The following L3MBTL1 variants were observed in gnomAD, a reference collection of about 807,000 sequenced individuals.
L3MBTL1 encodes the protein lethal(3)malignant brain tumor-like protein 1.
L3MBTL1 carries 75 observed loss-of-function variants against 105.3 expected under a neutral mutation model. The observed-to-expected ratio is 0.71, with a 90% CI of 0.59 to 0.86. The LOEUF (loss-of-function observed/expected upper bound fraction) is 0.86. L3MBTL1 is among the 40% of genes least tolerant of loss of function. The pLI is 0.00. For synonymous variants in L3MBTL1, 452 were observed against 436.2 expected, an observed-to-expected ratio of 1.04 and a Z score of -0.45; for missense variants, 1,069 against 1,126.4, an observed-to-expected ratio of 0.95 and a Z score of 0.73.
chr20:43,532,767 C>T lies in L3MBTL1; in HGVS notation c.1285-6C>T. 6.2e-7 allele frequency: 1 copy of T among 1,613,836 alleles called. No individual in the cohort carries two copies. Among genetic ancestry groups the T allele is most frequent in the Non-Finnish European group, 8.5e-7 (1 of 1,179,902 alleles). On this transcript the variant is annotated splice_region_variant and splice_polypyrimidine_tract_variant and intron_variant, in intron 11 of 21. Coordinates refer to ENST00000418998, the MANE Select transcript of L3MBTL1 (RefSeq NM_001377303.1). Reference sequence around the variant, plus strand: ...CTGGCCGTGGCAGCTCCTTTTTTTCCCCTAGAGTCCCCCACCCCTGGGCTT... The same window carrying T: ...CTGGCCGTGGCAGCTCCTTTTTTTCTCCTAGAGTCCCCCACCCCTGGGCTT...
rs367711004 is a variant in L3MBTL1 at position 43,536,446 on chromosome 20, G to C, written c.2161G>C (p.Glu721Gln). Residue 721 changes from glutamate (E) to glutamine (Q), a missense_variant, in exon 19 of 22, where the codon GAA becomes CAA. Physicochemically the swap from Glu to Gln is conservative, Grantham distance 29. Coordinates refer to ENST00000418998, the MANE Select transcript of L3MBTL1 (RefSeq NM_001377303.1). ...TCCGAAGTATCGAAAGATTCCGCAG[G>C]AAGATTTCCAGAGTAAGTCTGGGTT... ...RPPKYRKIPQEDFQTLTPDVV... is the reference protein window; with the variant it reads ...RPPKYRKIPQQDFQTLTPDVV... The C allele has an allele frequency of 6.2e-7, 1 of 1,613,900 alleles. No homozygotes were observed. Among genetic ancestry groups the C allele is most frequent in the Non-Finnish European group, 8.5e-7 (1 of 1,180,056 alleles).
intron 1 of L3MBTL1, among the ~76,000 whole-genome samples, chr20:43,511,179 A>G (rs932309945): frequency 6.6e-6 from 1 of 152,150 alleles, no homozygotes; most frequent in African/African-American, 2.4e-5. Context: ...CAGCCTCCCC[A>G]GTAGCTGGGA....
chr20:43,546,388 T>C (rs1394234759), downstream of L3MBTL1, among the ~76,000 whole-genome samples: 1 of 152,164 alleles, frequency 6.6e-6, no homozygotes, highest in Non-Finnish European at 1.5e-5. Context: ...TCAGCACTTA[T>C]AAGCTAGGTA....
chr20:43,541,585 C>G lies in L3MBTL1; in HGVS notation c.*457C>G, dbSNP rs41303815. The G allele has an allele frequency of 6.2e-6, 1 of 161,086 alleles. No individual in the cohort carries two copies. The highest frequency in any genetic ancestry group is 1.4e-5 in the Non-Finnish European group (1 of 74,000). The allele number at this position is 161,086 out of a possible 1,614,324, so 10.0% of individuals were successfully genotyped here. On this transcript the variant is annotated 3_prime_UTR_variant, in exon 22 of 22. Coordinates refer to ENST00000418998, the MANE Select transcript of L3MBTL1 (RefSeq NM_001377303.1). ...TAGATGTTATATGTATTTTTATTTA[C>G]ATGTATATTTTCACATGAAATACCA...
At position 43,536,241 on chromosome 20, in the gene L3MBTL1, CAAG is replaced by C. The variant is rs1468367368; in HGVS notation, c.2076_2078del (p.Lys692del). The stretch of plus-strand genomic sequence containing the variant: ...TGTCTGACTCGGAGGCCTCAGCCCG[CAAG>C]AAGAACCTCTCAGGCTTCTCCCCAA... On this transcript the variant is annotated inframe_deletion, in exon 18 of 22. Transcript: ENST00000418998. 1.2e-6 allele frequency: 2 copies of C among 1,612,440 alleles called. No homozygotes were observed. Among genetic ancestry groups the C allele is most frequent in the Non-Finnish European group, 1.7e-6 (2 of 1,179,608 alleles).
Position 43,533,440 on chromosome 20 carries a change from G to A in L3MBTL1, c.1513+22G>A, listed in dbSNP as rs202238516. ...CAAGGTGACCCTGCAGCCTGAGCAA[G>A]CCCCCTTTCCTAAGCCTGGCTCTGC... is the stretch of plus-strand genomic sequence containing the variant. On this transcript the variant is annotated intron_variant, in intron 13 of 21. Coordinates refer to ENST00000418998, the MANE Select transcript of L3MBTL1 (RefSeq NM_001377303.1). 1.0e-5 allele frequency: 16 copies of A among 1,603,480 alleles called. No homozygotes were observed. The African/African-American group carries it at 2.0e-4, about 20-fold the overall frequency.
intron 7 of L3MBTL1, among the ~76,000 whole-genome samples, chr20:43,524,800 G>T (rs2018935624): frequency 6.6e-6 from 1 of 152,180 alleles, no homozygotes; most frequent in Non-Finnish European, 1.5e-5. Flanking sequence ...AGGCACAGAG[G>T]CTCAGGGGCA....
intron 19 of L3MBTL1, 145 bp downstream of exon 19, chr20:43,536,603 C>T (rs2019645970): frequency 2.1e-6 from 2 of 930,650 alleles, no homozygotes; most frequent in African/African-American, 3.2e-5. Flanking sequence ...ACTGAGAGCA[C>T]AGAGCAGTGG....
intron 7 of L3MBTL1, among the ~76,000 whole-genome samples, chr20:43,517,551 T>G (rs569398397): frequency 6.6e-6 from 1 of 152,360 alleles, no homozygotes; most frequent in African/African-American, 2.4e-5. Flanking sequence ...TATAGGCATG[T>G]GCCATTGCAC....
chr20:43,514,289 C>A, intron 3 of L3MBTL1: 3 of 816,246 alleles, frequency 3.7e-6, no homozygotes, highest in Non-Finnish European at 5.6e-6. Context: ...TGGGACTGGG[C>A]CTGTGGGTGT....
intron 9 of L3MBTL1, 26 bp from the exon 10 acceptor site, chr20:43,530,258 G>A: frequency 1.2e-6 from 2 of 1,613,422 alleles, no homozygotes; most frequent in South Asian, 1.1e-5. Flanking sequence ...TGACATTGGA[G>A]TTCCTGATTC....
intron 16 of L3MBTL1, 33 bp from the exon 17 acceptor site, chr20:43,535,804 T>TC (rs1464472104): frequency 1.4e-6 from 2 of 1,432,702 alleles, no homozygotes; most frequent in African/African-American, 2.9e-5. Context: ...CCCCCAGGAC[T>TC]CCATGAGGAC....
At position 43,515,158 on chromosome 20, in the gene L3MBTL1, C is replaced by A; in HGVS notation, c.652C>A (p.Arg218=). The stretch of plus-strand genomic sequence containing the variant: ...TGGCTGCCCTCAGCTGTTCCAGGAG[C>A]GGTAAGGGGAGGAGGTCGCAGCCCT... ...NDGCPQLFQE[R]SVIVENSSGS... is the part of the protein sequence containing the mutation. The change falls in exon 5 of 22, where the codon CGG becomes AGG. Residue 218 remains arginine (R), a splice_region_variant and synonymous_variant. Coordinates refer to ENST00000418998, the MANE Select transcript of L3MBTL1 (RefSeq NM_001377303.1). 1 of 1,614,124 alleles carries A rather than the reference C, an allele frequency of 6.2e-7. No individual in the cohort carries two copies. Among genetic ancestry groups the A allele is most frequent in the Non-Finnish European group, 8.5e-7 (1 of 1,179,998 alleles).
chr20:43,524,148 A>T lies in L3MBTL1; in HGVS notation c.863-4509A>T, dbSNP rs554350858. Among the ~76,000 whole-genome samples, 23 of 152,188 alleles carry T rather than the reference A, an allele frequency of 1.5e-4. No individual in the cohort carries two copies. In the South Asian group the frequency reaches 3.7e-3, roughly 25 times the overall value. Reference sequence around the variant, plus strand: ...AACTTACTAATTTTATTTGTCTTTTAAAAAAAATTTATTTCCATTTTCTTT... The same window carrying T: ...AACTTACTAATTTTATTTGTCTTTTTAAAAAAATTTATTTCCATTTTCTTT... On this transcript the variant is annotated intron_variant, in intron 7 of 21. Coordinates refer to ENST00000418998, the MANE Select transcript of L3MBTL1 (RefSeq NM_001377303.1).
intron 7 of L3MBTL1, among the ~76,000 whole-genome samples, chr20:43,518,834 C>G (rs536597797): frequency 1.5e-4 from 18 of 121,968 alleles, no homozygotes; most frequent in Middle Eastern, 0.012. Context: ...GGTGAAACCC[C>G]ATCTCTACTA....
intron 10 of L3MBTL1, 38 bp from the exon 11 acceptor site, chr20:43,530,760 C>T: frequency 1.3e-6 from 2 of 1,595,944 alleles, no homozygotes; most frequent in Non-Finnish European, 1.7e-6. Context: ...GGCCCAGCCT[C>T]TGCACGGCGC....
intron 5 of L3MBTL1, 50 bp downstream of exon 5, chr20:43,515,209 G>T (rs368713154): frequency 6.2e-7 from 1 of 1,614,038 alleles, no homozygotes; most frequent in Non-Finnish European, 8.5e-7. Flanking sequence ...AGCCCCCAAA[G>T]CCTCATTCCT....
chr20:43,510,198 CA>C (rs1409172482), intron 1 of L3MBTL1, among the ~76,000 whole-genome samples: 1 of 152,006 alleles, frequency 6.6e-6, no homozygotes, highest in Non-Finnish European at 1.5e-5. Context: ...GGGGTTTCAC[CA>C]TGTTGCCCAG....
At chr20:43,531,685 C>G (rs1328404501) in intron 11 of L3MBTL1, 1 of 152,286 alleles carries the variant, frequency 6.6e-6, no homozygotes, top group Admixed American at 6.6e-5. Context: ...CATTGCACTC[C>G]GGTCTCAGCA....
Sources: gnomAD v4.1 joint callset for allele counts (sites outside exome capture counted in the v4.1 genomes callset) on GRCh38, gnomAD v4.1.1 for gene constraint, MANE v1.5 for transcripts, NCBI Gene and HGNC (gene_info 2026-07-23, HGNC 2026-07-21) for gene names.